Variants in FSTL4 observed in about 807,000 individuals in gnomAD.
FSTL4 encodes the protein follistatin-related protein 4.
In FSTL4, 28 loss-of-function variants were observed where a neutral mutation model predicts 78.2. That is an observed-to-expected ratio of 0.36 (90% CI 0.27 to 0.49). The LOEUF is 0.49. FSTL4 is among the 20% of genes least tolerant of loss of function. The pLI, the probability that FSTL4 is intolerant of heterozygous loss-of-function variation, is 0.98. For synonymous variants in FSTL4, 422 were observed against 440.5 expected, an observed-to-expected ratio of 0.96 and a Z score of 0.53; for missense variants, 922 against 1,084.9, an observed-to-expected ratio of 0.85 and a Z score of 2.11.
At chr5:133,748,649 G>A in the FSTL4 span, among the ~76,000 whole-genome samples, 1 of 152,206 alleles carries the variant, frequency 6.6e-6, no homozygotes, top group African/African-American at 2.4e-5. Flanking sequence ...CCCACAACCT[G>A]CTCAGGGAGC....
upstream of FSTL4, among the ~76,000 whole-genome samples, chr5:133,614,974 C>A (rs967251687): frequency 6.6e-6 from 1 of 151,760 alleles, no homozygotes; most frequent in African/African-American, 2.4e-5. Flanking sequence ...TTTTCTATTT[C>A]TAATCCTTAC....
chr5:133,653,495 GC>G, the FSTL4 span, among the ~76,000 whole-genome samples: 3 of 152,164 alleles, frequency 2.0e-5, no homozygotes, highest in African/African-American at 7.2e-5. Flanking sequence ...TCAGGCCCCT[GC>G]CTAGCATCTT....
At chr5:133,293,234 G>A (rs1022628559) in intron 6 of FSTL4, among the ~76,000 whole-genome samples, 5 of 152,208 alleles carry the variant, frequency 3.3e-5, no homozygotes, top group African/African-American at 9.6e-5. Context: ...GCCACCCCAC[G>A]CAAGGGCCAC....
the FSTL4 span, among the ~76,000 whole-genome samples, chr5:133,757,774 C>A: frequency 3.9e-5 from 6 of 152,180 alleles, no homozygotes; most frequent in Non-Finnish European, 1.5e-5. Context: ...GCATCATTTG[C>A]ATGATTTCCA....
intron 4 of FSTL4, among the ~76,000 whole-genome samples, chr5:133,368,912 C>A (rs140319491): frequency 9.2e-5 from 14 of 152,236 alleles, no homozygotes; most frequent in Non-Finnish European, 2.1e-4. Flanking sequence ...GATCAGCTGG[C>A]AGGCCAGGAC....
intron 4 of FSTL4, among the ~76,000 whole-genome samples, chr5:133,359,539 G>C (rs1027946845): frequency 1.3e-5 from 2 of 152,202 alleles, no homozygotes; most frequent in African/African-American, 4.8e-5. Context: ...GTGATGGGGG[G>C]ACTGACTAGG....
intron 4 of FSTL4, among the ~76,000 whole-genome samples, chr5:133,377,784 G>C (rs1755471658): frequency 1.3e-5 from 2 of 152,098 alleles, no homozygotes; most frequent in South Asian, 4.1e-4. Flanking sequence ...AAATTAATCA[G>C]TACATCCAAG....
At chr5:133,631,915 G>A in the FSTL4 span, among the ~76,000 whole-genome samples, 11,345 of 152,042 alleles carry the variant, frequency 0.075, 443 homozygotes, top group South Asian at 0.17. Flanking sequence ...ACCAAACACC[G>A]CATGTTCTCA....
At chr5:133,292,973 G>C (rs181529242) in intron 6 of FSTL4, among the ~76,000 whole-genome samples, 2 of 152,298 alleles carry the variant, frequency 1.3e-5, no homozygotes, top group Admixed American at 1.3e-4. Context: ...TAACAATGTT[G>C]GGTGATATTT....
chr5:133,745,603 G>A, the FSTL4 span, among the ~76,000 whole-genome samples: 1 of 152,206 alleles, frequency 6.6e-6, no homozygotes, highest in Non-Finnish European at 1.5e-5. Context: ...CAGAAAAGTG[G>A]AATTATACAG....
At chr5:133,787,823 T>C in the FSTL4 span, among the ~76,000 whole-genome samples, 1 of 151,948 alleles carries the variant, frequency 6.6e-6, no homozygotes, top group East Asian at 1.9e-4. Flanking sequence ...ACCCTGCCTC[T>C]CATCAAGGGT....
intron 3 of FSTL4, among the ~76,000 whole-genome samples, chr5:133,453,334 C>T (rs1158617979): frequency 6.6e-6 from 1 of 152,190 alleles, no homozygotes; most frequent in African/African-American, 2.4e-5. Context: ...TGAGTGTACA[C>T]AGACTGCATA....
At chr5:133,839,698 T>G in the FSTL4 span, among the ~76,000 whole-genome samples, 421 of 152,326 alleles carry the variant, frequency 2.8e-3, 2 homozygotes, top group African/African-American at 9.4e-3. Flanking sequence ...CAAATTGCCT[T>G]ATGGGAGCTA....
chr5:133,313,692 T>C (rs969567040), intron 5 of FSTL4, among the ~76,000 whole-genome samples: 1 of 152,180 alleles, frequency 6.6e-6, no homozygotes, highest in Non-Finnish European at 1.5e-5. Flanking sequence ...TGGTCTGCTG[T>C]ATTAAAGGCA....
chr5:133,367,309 T>C (rs971123284), intron 4 of FSTL4, among the ~76,000 whole-genome samples: 1 of 152,118 alleles, frequency 6.6e-6, no homozygotes, highest in Non-Finnish European at 1.5e-5. Context: ...ACAAGACTGG[T>C]TTTTAGCACC....
the FSTL4 span, among the ~76,000 whole-genome samples, chr5:133,654,756 A>G: frequency 1.3e-5 from 2 of 152,202 alleles, no homozygotes; most frequent in Non-Finnish European, 2.9e-5. Context: ...AGCATCCTTG[A>G]TGGAGAGCGC....
chr5:133,819,394 C>T, the FSTL4 span, among the ~76,000 whole-genome samples: 1 of 152,152 alleles, frequency 6.6e-6, no homozygotes, highest in Non-Finnish European at 1.5e-5. Context: ...CCCTGCTCCT[C>T]CACTCTGCTC....
intron 3 of FSTL4, among the ~76,000 whole-genome samples, chr5:133,497,959 G>A (rs1437132489): frequency 6.6e-6 from 1 of 152,120 alleles, no homozygotes; most frequent in Non-Finnish European, 1.5e-5. Context: ...GCCCAGCTCT[G>A]TGCACTGGGC....
chr5:133,758,545 T>C, the FSTL4 span, among the ~76,000 whole-genome samples: 1 of 152,172 alleles, frequency 6.6e-6, no homozygotes, highest in Non-Finnish European at 1.5e-5. Flanking sequence ...TAAGTATAAA[T>C]TCAATGCAGA....
Sources: allele counts gnomAD v4.1 joint callset (sites outside exome capture counted in the v4.1 genomes callset), GRCh38; gene constraint gnomAD v4.1.1; transcripts MANE v1.5; gene names NCBI Gene and HGNC (gene_info 2026-07-23, HGNC 2026-07-21).